LCP1: variants seen among roughly 807,000 people sequenced by gnomAD.
LCP1 encodes lymphocyte cytosolic protein 1.
In LCP1, 23 loss-of-function variants were observed where a neutral mutation model predicts 72.0. The ratio of observed to expected loss-of-function variants is 0.32; its 90% CI spans 0.23 to 0.45. The LOEUF (loss-of-function observed/expected upper bound fraction) is 0.45, where lower values mean the gene tolerates loss of function less well. Ranked by LOEUF, LCP1 falls within the 20% of genes least tolerant of loss-of-function variation. The pLI, the probability that LCP1 is intolerant of heterozygous loss-of-function variation, is 1.00. For missense variants in LCP1, 571 were observed against 748.3 expected (o/e 0.76, Z 2.76); for synonymous variants, 245 against 275.4 (o/e 0.89, Z 1.09).
chr13:46,176,902 T>TGTGTGTGTGTGA (rs35450261), intron 1 of LCP1, among the ~76,000 whole-genome samples: 1 of 150,756 alleles, frequency 6.6e-6, no homozygotes, highest in Non-Finnish European at 1.5e-5. Flanking sequence ...TGTGTGTGTG[T>TGTGTGTGTGTGA]GAGAGAGCGA....
chr13:46,148,474 T>G, intron 8 of LCP1, 27 bp from the exon 9 acceptor site: 1 of 1,402,818 alleles, frequency 7.1e-7, no homozygotes, highest in Non-Finnish European at 1.0e-6. Flanking sequence ...AATTCCAATT[T>G]CAAAATAGCA....
chr13:46,168,313 G>T (rs2045887633), intron 1 of LCP1: 1 of 152,182 alleles, frequency 6.6e-6, no homozygotes, highest in Admixed American at 6.5e-5. Flanking sequence ...AGAAAGTATT[G>T]CAAATGAGCT....
intron 7 of LCP1, 89 bp downstream of exon 7, chr13:46,152,691 G>A: frequency 7.4e-7 from 1 of 1,357,498 alleles, no homozygotes; most frequent in East Asian, 2.3e-5. Flanking sequence ...TTCAAAACTT[G>A]AGAATTTCTG....
chr13:46,177,851 T>TTGC (rs201062904), intron 1 of LCP1, among the ~76,000 whole-genome samples: 2,716 of 152,100 alleles, frequency 0.018, 72 homozygotes, highest in African/African-American at 0.059. Context: ...ACTGATGCTG[T>TTGC]TGCTGCTGCT....
intron 13 of LCP1, 125 bp downstream of exon 13, chr13:46,142,167 T>A (rs1409705970): frequency 4.1e-6 from 4 of 973,224 alleles, no homozygotes; most frequent in Non-Finnish European, 6.0e-6. Flanking sequence ...AAAGTGTTTC[T>A]CTGGTTATGA....
At chr13:46,161,991 T>C (rs1202974796) in intron 1 of LCP1, among the ~76,000 whole-genome samples, 1 of 152,344 alleles carries the variant, frequency 6.6e-6, no homozygotes, top group Admixed American at 6.5e-5. Context: ...ACAGGTTTTG[T>C]GTTTCTTACA....
chr13:46,150,155 G>A (rs1156822679), intron 8 of LCP1, among the ~76,000 whole-genome samples: 1 of 152,096 alleles, frequency 6.6e-6, no homozygotes, highest in African/African-American at 2.4e-5. Context: ...TTTCTCTTTG[G>A]GGAAAAGTTA....
intron 7 of LCP1, 152 bp from the exon 8 acceptor site, chr13:46,151,230 A>C: frequency 1.5e-6 from 1 of 678,344 alleles, no homozygotes. Flanking sequence ...CATGGATTAA[A>C]TATTTTATTA....
intron 15 of LCP1, among the ~76,000 whole-genome samples, chr13:46,130,588 G>GTT (rs35095925): frequency 2.4e-4 from 34 of 142,834 alleles, no homozygotes; most frequent in African/African-American, 7.7e-4. Flanking sequence ...TTATTGGGTT[G>GTT]TTTTTTTTTT....
At chr13:46,171,264 G>A (rs1262134777) in intron 1 of LCP1, among the ~76,000 whole-genome samples, 7 of 152,174 alleles carry the variant, frequency 4.6e-5, no homozygotes, top group Admixed American at 1.3e-4. Flanking sequence ...AACTGGAGTG[G>A]CCTCCTGCCT....
In LCP1 at chr13:46,148,417, G is replaced by A; in HGVS notation, c.913C>T (p.Gln305Ter). 1 of 1,612,316 alleles carries A rather than the reference G, an allele frequency of 6.2e-7. No individual in the cohort carries two copies. The highest frequency in any genetic ancestry group is 8.5e-7 in the Non-Finnish European group (1 of 1,179,584). ...DSKAYYHLLE[Q>*]VAPKGDEEGV... ...TCTTCATCTCCTTTTGGAGCCACCTGCTCAAGCAGGTGGTAATAAGCTTTT... is the reference window on the plus strand; with the variant it reads ...TCTTCATCTCCTTTTGGAGCCACCTACTCAAGCAGGTGGTAATAAGCTTTT... Residue 305 changes from glutamine to a stop codon, truncating the protein, a stop_gained, in exon 9 of 16, where the codon CAG becomes TAG. Transcript: ENST00000323076. LOFTEE classifies it high-confidence loss of function.
rs889712525 is a variant in LCP1, at chr13:46,128,741, T to C, written c.1752-1018A>G. On this transcript the variant is annotated intron_variant, in intron 15 of 15. Transcript: ENST00000323076. ...TTATATTCCATATTTTCACATAGAA[T>C]GATAATAGCTGCATCAGAACATTTT... 3.9e-5 allele frequency among the ~76,000 whole-genome samples: 6 copies of C among 152,364 alleles called. No individual in the cohort carries two copies. In the South Asian group the frequency reaches 1.2e-3, roughly 32 times the overall value.
chr13:46,172,408 C>T (rs985381292), intron 1 of LCP1, among the ~76,000 whole-genome samples: 6 of 151,784 alleles, frequency 4.0e-5, no homozygotes, highest in Non-Finnish European at 5.9e-5. Context: ...CACTTGAACC[C>T]GGGAGGCAGA....
chr13:46,171,265 C>T (rs2045903095), intron 1 of LCP1, among the ~76,000 whole-genome samples: 2 of 152,296 alleles, frequency 1.3e-5, no homozygotes, highest in South Asian at 2.1e-4. Flanking sequence ...ACTGGAGTGG[C>T]CTCCTGCCTT....
chr13:46,130,639 CT>C (rs1163381398), intron 15 of LCP1, among the ~76,000 whole-genome samples, 174 bp downstream of exon 15: 1 of 149,416 alleles, frequency 6.7e-6, no homozygotes. Flanking sequence ...TTTTAAACTA[CT>C]ATTGTCCCAT....
rs781135662 is a variant in LCP1 at position 46,134,109 on chromosome 13, G to A, written c.1626+18C>T. 11 of 1,612,792 alleles carry A rather than the reference G, an allele frequency of 6.8e-6. No individual in the cohort carries two copies. The highest frequency in any genetic ancestry group is 9.3e-6 in the Non-Finnish European group (11 of 1,179,282). ...CATAGAGCTCAGATGGCCTCTAGCA[G>A]AAGACAAAGAATTTTACCTTGAAAC... On this transcript the variant is annotated intron_variant, in intron 14 of 15. Coordinates refer to ENST00000323076, the MANE Select transcript of LCP1 (RefSeq NM_002298.5).
chr13:46,140,295 T>C (rs2045689406), intron 13 of LCP1, among the ~76,000 whole-genome samples: 1 of 152,160 alleles, frequency 6.6e-6, no homozygotes, highest in Non-Finnish European at 1.5e-5. Flanking sequence ...CTAGAGGCTG[T>C]GGGGAAAAAC....
At chr13:46,160,465 C>G (rs1043681265) in intron 1 of LCP1, among the ~76,000 whole-genome samples, 1 of 152,198 alleles carries the variant, frequency 6.6e-6, no homozygotes, top group South Asian at 2.1e-4. Flanking sequence ...TTTGACCAAG[C>G]CAACAGATAC....
chr13:46,171,611 A>G (rs946994747), intron 1 of LCP1, among the ~76,000 whole-genome samples: 14 of 152,332 alleles, frequency 9.2e-5, no homozygotes, highest in Admixed American at 2.0e-4. Flanking sequence ...AATAAAGCAC[A>G]TACCTTGTCC....
Sources: allele counts gnomAD v4.1 joint callset (sites outside exome capture counted in the v4.1 genomes callset), GRCh38; gene constraint gnomAD v4.1.1; transcripts MANE v1.5; gene names NCBI Gene and HGNC (gene_info 2026-07-23, HGNC 2026-07-21).